Variants in MEGF11 observed in about 807,000 individuals in gnomAD.
The protein encoded by MEGF11 is multiple epidermal growth factor-like domains protein 11.
A neutral mutation model predicts 146.6 loss-of-function variants in MEGF11; 126 were observed. The observed-to-expected ratio is 0.86, with a 90% confidence interval of 0.74 to 1.00. MEGF11 has a LOEUF of 1.00. MEGF11 is among the 50% of genes least tolerant of loss of function. The probability of loss-of-function intolerance (pLI) is 0.00; values close to 1 mark genes in which losing one functional copy is unlikely to be tolerated. For missense variants in MEGF11, 1,509 were observed against 1,521.2 expected (o/e 0.99, Z 0.13); for synonymous variants, 532 against 583.4 (o/e 0.91, Z 1.27).
intron 13 of MEGF11, among the ~76,000 whole-genome samples, chr15:65,927,389 T>G (rs556522572): frequency 1.3e-5 from 2 of 152,326 alleles, no homozygotes; most frequent in South Asian, 4.1e-4. Context: ...TCTCAGTGTG[T>G]GGCAGGCAGT....
intron 5 of MEGF11, among the ~76,000 whole-genome samples, chr15:66,046,763 C>T (rs2084221657): frequency 1.3e-5 from 2 of 152,196 alleles, no homozygotes; most frequent in African/African-American, 4.8e-5. Context: ...CCTGACTTTG[C>T]TAACACACAC....
chr15:65,988,005 G>A (rs1346451815), intron 5 of MEGF11, among the ~76,000 whole-genome samples: 1 of 118,188 alleles, frequency 8.5e-6, no homozygotes, highest in African/African-American at 3.1e-5. Context: ...CACAGTACCC[G>A]GTCTTTTTTT....
intron 1 of MEGF11, among the ~76,000 whole-genome samples, chr15:66,135,752 C>A (rs2088859603): frequency 2.0e-5 from 3 of 152,210 alleles, no homozygotes. Context: ...CCAACTCCAT[C>A]CTGTAGGGGC....
chr15:66,105,297 A>G (rs773106359), intron 4 of MEGF11, among the ~76,000 whole-genome samples: 8 of 152,158 alleles, frequency 5.3e-5, no homozygotes, highest in African/African-American at 9.7e-5. Context: ...GAGGAGGAGG[A>G]AGAGAGAGAC....
At chr15:66,084,486 G>A (rs1414684722) in intron 5 of MEGF11, among the ~76,000 whole-genome samples, 2 of 152,176 alleles carry the variant, frequency 1.3e-5, no homozygotes, top group Non-Finnish European at 1.5e-5. Context: ...TACTGTGAGT[G>A]CCCCAAGTGT....
chr15:66,149,200 C>T (rs2089476276), intron 1 of MEGF11, among the ~76,000 whole-genome samples: 1 of 152,210 alleles, frequency 6.6e-6, no homozygotes, highest in Non-Finnish European at 1.5e-5. Context: ...CAGGGAGCCT[C>T]TACTGGAAGA....
At chr15:66,154,759 C>T (rs1391717521) in intron 1 of MEGF11, among the ~76,000 whole-genome samples, 2 of 152,174 alleles carry the variant, frequency 1.3e-5, no homozygotes, top group East Asian at 3.8e-4. Context: ...ACCAACCAGC[C>T]ACCCCTGTTG....
At chr15:66,244,655 G>A (rs2092268332) in intron 1 of MEGF11, among the ~76,000 whole-genome samples, 3 of 152,102 alleles carry the variant, frequency 2.0e-5, no homozygotes, top group South Asian at 2.1e-4. Flanking sequence ...CAAGAATCCC[G>A]ACTTCACAGG....
chr15:66,238,710 A>G (rs1314187264), intron 1 of MEGF11, among the ~76,000 whole-genome samples: 1 of 152,154 alleles, frequency 6.6e-6, no homozygotes, highest in Admixed American at 6.5e-5. Flanking sequence ...AGATATCAGC[A>G]TGTCTCACAC....
At chr15:66,128,090 A>T (rs1473948006) in intron 2 of MEGF11, among the ~76,000 whole-genome samples, 3 of 152,200 alleles carry the variant, frequency 2.0e-5, no homozygotes. Context: ...AGGACAGTGC[A>T]TCGTAACTGA....
At chr15:66,245,199 C>T (rs920664578) in intron 1 of MEGF11, among the ~76,000 whole-genome samples, 1 of 152,088 alleles carries the variant, frequency 6.6e-6, no homozygotes, top group African/African-American at 2.4e-5. Context: ...ATGGTGAGTC[C>T]TAGCAGTGAA....
intron 1 of MEGF11, among the ~76,000 whole-genome samples, chr15:66,130,730 GAGGAAGGAAGGA>G (rs137881134): frequency 2.8e-5 from 4 of 140,980 alleles, no homozygotes; most frequent in Admixed American, 7.2e-5. Context: ...AAGAGGGAGG[GAGGAAGGAAGGA>G]AGGAAGGAAG....
At chr15:66,094,635 A>C in intron 4 of MEGF11, 141 bp from the exon 5 acceptor site, 1 of 647,610 alleles carries the variant, frequency 1.5e-6, no homozygotes, top group Non-Finnish European at 2.7e-6. Flanking sequence ...GGGGGGGAAA[A>C]TCAAGCTACA....
intron 4 of MEGF11, among the ~76,000 whole-genome samples, chr15:66,118,261 A>G (rs2087831429): frequency 6.6e-6 from 1 of 151,766 alleles, no homozygotes; most frequent in African/African-American, 2.4e-5. Context: ...AGTCCCTTAG[A>G]ACCCAACAGG....
chr15:65,931,622 T>C (rs879310540), intron 10 of MEGF11, among the ~76,000 whole-genome samples: 1 of 152,190 alleles, frequency 6.6e-6, no homozygotes, highest in Non-Finnish European at 1.5e-5. Flanking sequence ...CAGACCACAA[T>C]ACCAGGGACC....
At chr15:66,057,655 T>C (rs2084734952) in intron 5 of MEGF11, among the ~76,000 whole-genome samples, 1 of 152,042 alleles carries the variant, frequency 6.6e-6, no homozygotes, top group Admixed American at 6.6e-5. Context: ...AGGGTCATCA[T>C]ACTAACTGGA....
chr15:66,211,314 G>T (rs1363690600), intron 1 of MEGF11, among the ~76,000 whole-genome samples: 1 of 152,182 alleles, frequency 6.6e-6, no homozygotes, highest in Non-Finnish European at 1.5e-5. Context: ...ACGAAGTCAG[G>T]AGATCGAGAC....
intron 1 of MEGF11, among the ~76,000 whole-genome samples, chr15:66,248,563 C>T (rs993148409): frequency 6.6e-6 from 1 of 152,202 alleles, no homozygotes; most frequent in Admixed American, 6.5e-5. Context: ...GATATATTCC[C>T]TGAAGGCATC....
chr15:66,166,757 A>G (rs1032327118), intron 1 of MEGF11, among the ~76,000 whole-genome samples: 2 of 151,848 alleles, frequency 1.3e-5, no homozygotes, highest in African/African-American at 2.4e-5. Flanking sequence ...CATTCAAGTC[A>G]TCGTCTCTGA....
Sources: gnomAD v4.1 joint callset for allele counts (sites outside exome capture counted in the v4.1 genomes callset) on GRCh38, gnomAD v4.1.1 for gene constraint, MANE v1.5 for transcripts, NCBI Gene and HGNC (gene_info 2026-07-23, HGNC 2026-07-21) for gene names.